Variants in KLHL12 observed in about 807,000 individuals in gnomAD.
KLHL12 encodes the protein kelch-like protein 12.
Under a neutral mutation model 60.8 loss-of-function variants are expected in KLHL12, and 17 were observed. That is an observed-to-expected ratio of 0.28 (90% CI 0.19 to 0.42). The LOEUF is 0.42. Among genes scored for constraint, KLHL12 ranks in the 10% least tolerant of loss-of-function variants. The pLI, the probability that KLHL12 is intolerant of heterozygous loss-of-function variation, is 1.00. For missense variants in KLHL12, 468 were observed against 722.3 expected (o/e 0.65, Z 4.04); for synonymous variants, 220 against 250.9 (o/e 0.88, Z 1.16).
At chr1:202,925,347 G>A in intron 1 of KLHL12, 140 bp from the exon 2 acceptor site, 1 of 890,258 alleles carries the variant, frequency 1.1e-6, no homozygotes, top group Non-Finnish European at 1.7e-6. Context: ...CCTATGCCTG[G>A]CATCACCACC....
chr1:202,899,284 C>A (rs1461655451), intron 6 of KLHL12, among the ~76,000 whole-genome samples: 4 of 152,136 alleles, frequency 2.6e-5, no homozygotes, highest in Admixed American at 2.0e-4. Flanking sequence ...TACACTCCAG[C>A]CTGGGCAATA....
intron 6 of KLHL12, among the ~76,000 whole-genome samples, chr1:202,900,972 G>A (rs1357070893): frequency 1.3e-5 from 2 of 152,084 alleles, no homozygotes; most frequent in Admixed American, 1.3e-4. Flanking sequence ...CTTGAACCTG[G>A]GAGGCGGAGG....
intron 6 of KLHL12, among the ~76,000 whole-genome samples, 168 bp from the exon 7 acceptor site, chr1:202,897,128 T>G (rs1659859174): frequency 6.6e-6 from 1 of 152,192 alleles, no homozygotes. Flanking sequence ...GGGAGTTATT[T>G]TTCCTTGAGG....
At chr1:202,918,437 G>T in intron 3 of KLHL12, 49 bp from the exon 4 acceptor site, 1 of 1,381,090 alleles carries the variant, frequency 7.2e-7, no homozygotes, top group East Asian at 2.3e-5. Flanking sequence ...GGACAGGTGT[G>T]ATCTAGGATA....
chr1:202,903,992 G>GTATCTATCTATGTATCTATC (rs1660104768), intron 6 of KLHL12, among the ~76,000 whole-genome samples: 1 of 141,502 alleles, frequency 7.1e-6, no homozygotes, highest in African/African-American at 2.6e-5. Context: ...ATCTATCTAT[G>GTATCTATCTATGTATCTATC]TATCTATCTA....
At chr1:202,915,253 A>G (rs952647206) in intron 4 of KLHL12, among the ~76,000 whole-genome samples, 1 of 152,180 alleles carries the variant, frequency 6.6e-6, no homozygotes, top group African/African-American at 2.4e-5. Flanking sequence ...CCCAGCCAAG[A>G]CTAAATCCCA....
intron 1 of KLHL12, among the ~76,000 whole-genome samples, chr1:202,925,705 T>C (rs970980940): frequency 3.3e-5 from 5 of 152,164 alleles, no homozygotes; most frequent in Non-Finnish European, 7.3e-5. Flanking sequence ...TGTATTCAAC[T>C]TCAACTTAGA....
intron 6 of KLHL12, 150 bp from the exon 7 acceptor site, chr1:202,897,110 G>A: frequency 1.5e-6 from 1 of 667,128 alleles, no homozygotes; most frequent in East Asian, 2.6e-5. Flanking sequence ...TCATAAGGCT[G>A]TCGAATGGGG....
chr1:202,915,755 C>A (rs1279545226), intron 4 of KLHL12, among the ~76,000 whole-genome samples: 1 of 152,150 alleles, frequency 6.6e-6, no homozygotes, highest in East Asian at 1.9e-4. Context: ...TGGTTAAACT[C>A]CAATCTTCAC....
chr1:202,908,778 T>C lies in KLHL12; in HGVS notation c.832+232A>G, dbSNP rs1021833837. On this transcript the variant is annotated intron_variant, in intron 6 of 11. Transcript: ENST00000367261. ...ATGCCTGACAATGTATAAAGTGCTT[T>C]TATATTTTATCTCATTTAATTTCCA... Among the ~76,000 whole-genome samples the C allele has an allele frequency of 2.6e-5, 4 of 152,212 alleles. 1 individual carries two copies. The highest frequency in any genetic ancestry group is 9.7e-5 in the African/African-American group (4 of 41,440).
Position 202,927,206 on chromosome 1 carries a change from C to A in KLHL12, c.-163G>T, listed in dbSNP as rs947006628. ...CCGAAGCGCCGCCCAGACCCGGAGG[C>A]TCTGGAGGCTCTGGAGCCGTCCGGG... is the stretch of plus-strand genomic sequence containing the variant. On this transcript the variant is annotated 5_prime_UTR_variant, in exon 1 of 12. Coordinates refer to ENST00000367261, the MANE Select transcript of KLHL12 (RefSeq NM_021633.4). The A allele has an allele frequency of 7.1e-6, 7 of 985,054 alleles. No individual in the cohort carries two copies. Among genetic ancestry groups the A allele is most frequent in the Non-Finnish European group, 7.2e-6 (6 of 829,840 alleles). 61.0% of individuals were successfully genotyped at this position (985,054 alleles called of 1,614,324 possible).
chr1:202,915,365 G>A (rs1571536701), intron 4 of KLHL12, among the ~76,000 whole-genome samples: 1 of 152,080 alleles, frequency 6.6e-6, no homozygotes, highest in African/African-American at 2.4e-5. Flanking sequence ...AATAGCAACT[G>A]GGAGTCAGAC....
At chr1:202,901,640 G>A (rs1268025642) in intron 6 of KLHL12, among the ~76,000 whole-genome samples, 6 of 151,890 alleles carry the variant, frequency 4.0e-5, no homozygotes, top group Non-Finnish European at 7.4e-5. Context: ...GGGATCCTTC[G>A]ATCACTGATT....
At position 202,925,037 on chromosome 1, in the gene KLHL12, T is replaced by G. The variant is rs201678661; in HGVS notation, c.126A>C (p.Lys42Asn). 959 of 1,614,082 alleles carry G rather than the reference T, an allele frequency of 5.9e-4. 2 individuals are homozygous for G. The highest frequency in any genetic ancestry group is 7.7e-4 in the Non-Finnish European group (910 of 1,180,024). ...LCDVTLRVEQ[K>N]DFPAHRIVLA... ...GCACAATCCGATGGGCAGGGAAGTC[T>G]TTCTGCTCTACTCTCAATGTCACAT... is the stretch of plus-strand genomic sequence containing the variant. Residue 42 changes from lysine (K) to asparagine (N), a missense_variant, in exon 2 of 12, where the codon AAA becomes AAC. Lys to Asn is a moderately conservative substitution (Grantham distance 94, BLOSUM62 0). Transcript: ENST00000367261.
chr1:202,921,999 CA>C (rs1419601829), intron 2 of KLHL12, among the ~76,000 whole-genome samples: 1 of 152,138 alleles, frequency 6.6e-6, no homozygotes, highest in Non-Finnish European at 1.5e-5. Context: ...TATTCATAAA[CA>C]ATTACTATCC....
At position 202,894,578 on chromosome 1, in the gene KLHL12, C is replaced by T. The variant is rs566258702; in HGVS notation, c.1294+13G>A. ...TTGAGTTCCCTCCCATTCCTGCATC[C>T]CAGACTCAATACCTAGACAGTAGAT... On this transcript the variant is annotated intron_variant, in intron 9 of 11. Transcript: ENST00000367261. The T allele has an allele frequency of 6.8e-6, 11 of 1,613,854 alleles. No homozygotes were observed. The highest frequency in any genetic ancestry group is 8.5e-6 in the Non-Finnish European group (10 of 1,179,916).
upstream of KLHL12, among the ~76,000 whole-genome samples, chr1:202,927,674 TAAA>T (rs748842460): frequency 1.3e-5 from 1 of 75,420 alleles, no homozygotes. Flanking sequence ...TGAGACCCTG[TAAA>T]AAAAAAAAAA....
Position 202,893,388 on chromosome 1 carries a change from C to A in KLHL12, c.1431G>T (p.Val477=), listed in dbSNP as rs771680562. 6.2e-7 allele frequency: 1 copy of A among 1,613,900 alleles called. No individual in the cohort carries two copies. Among genetic ancestry groups the A allele is most frequent in the Non-Finnish European group, 8.5e-7 (1 of 1,179,874 alleles). Residue 477 remains valine, a synonymous_variant, in exon 11 of 12, where the codon GTG becomes GTT. Transcript: ENST00000367261. This position sits in a 1 kb window ranked among gnomAD's most constrained non-coding sequence, Gnocchi z 4.1. Reference sequence around the variant, plus strand: ...GGGCTGTACCATCAAATCCCCCCACCACATAAATATGGTCATTCAGCAGGG... The same window carrying A: ...GGGCTGTACCATCAAATCCCCCCACAACATAAATATGGTCATTCAGCAGGG... ...GVALLNDHIY[V]VGGFDGTAHL...
chr1:202,897,228 C>CTTT (rs11305071), intron 6 of KLHL12, among the ~76,000 whole-genome samples: 23 of 82,258 alleles, frequency 2.8e-4, no homozygotes, highest in South Asian at 8.8e-4. Flanking sequence ...ATTTCTTTTT[C>CTTT]TTTTTTTTTT....
Sources: allele counts gnomAD v4.1 joint callset (sites outside exome capture counted in the v4.1 genomes callset), GRCh38; gene constraint gnomAD v4.1.1; non-coding constraint Gnocchi (gnomAD v3.1); transcripts MANE v1.5; gene names NCBI Gene and HGNC (gene_info 2026-07-23, HGNC 2026-07-21).